The following MRTFB variants were observed in gnomAD, a reference collection of about 807,000 sequenced individuals.
The protein encoded by MRTFB is myocardin-related transcription factor B.
Under a neutral mutation model 104.2 loss-of-function variants are expected in MRTFB, and 29 were observed. That is an observed-to-expected ratio of 0.28 (90% CI 0.21 to 0.38). The LOEUF (loss-of-function observed/expected upper bound fraction) is 0.38, where lower values mean the gene tolerates loss of function less well. Ranked by LOEUF, MRTFB falls within the 10% of genes least tolerant of loss-of-function variation. MRTFB has a pLI of 1.00. For missense variants in MRTFB, 1,270 were observed against 1,341.6 expected (o/e 0.95, Z 0.83); for synonymous variants, 535 against 519.5 (o/e 1.03, Z -0.41).
At chr16:14,070,500 G>A (rs2033620005), upstream of MRTFB, among the ~76,000 whole-genome samples, 1 of 152,184 alleles carries the variant, frequency 6.6e-6, no homozygotes, top group Non-Finnish European at 1.5e-5. Flanking sequence ...CCAGTCTAAG[G>A]AGGAGACAGA....
chr16:14,219,024 TAAAG>T (rs1316157481), intron 8 of MRTFB, 26 bp downstream of exon 8: 1 of 1,549,696 alleles, frequency 6.5e-7, no homozygotes, highest in Non-Finnish European at 8.7e-7. Context: ...TTTTGACCCC[TAAAG>T]AAAGAAAATG....
At chr16:14,166,739 C>A (rs980520352) in intron 3 of MRTFB, among the ~76,000 whole-genome samples, 1 of 151,986 alleles carries the variant, frequency 6.6e-6, no homozygotes, top group Non-Finnish European at 1.5e-5. Flanking sequence ...CAGCTCCCAC[C>A]TATAAGTGAA....
intron 6 of MRTFB, chr16:14,214,886 G>C (rs1440962050): frequency 6.6e-6 from 1 of 152,210 alleles, no homozygotes; most frequent in East Asian, 1.9e-4. Context: ...CAGGAGGTGA[G>C]AGGTATGTCC....
intron 16 of MRTFB, 68 bp downstream of exon 16, chr16:14,258,229 C>T: frequency 1.6e-6 from 2 of 1,248,064 alleles, no homozygotes; most frequent in Non-Finnish European, 2.3e-6. Flanking sequence ...GAAAGTTTTT[C>T]TTAAGCACTC....
chr16:14,248,893 T>G (rs776304444), intron 12 of MRTFB, 33 bp from the exon 13 acceptor site: 1 of 1,607,206 alleles, frequency 6.2e-7, no homozygotes, highest in South Asian at 1.1e-5. Flanking sequence ...ATTCTGACAA[T>G]TAAATTGATG....
intron 2 of MRTFB, among the ~76,000 whole-genome samples, chr16:14,135,467 C>A (rs2037662675): frequency 6.6e-6 from 1 of 152,196 alleles, no homozygotes. Flanking sequence ...GTTTTTGTAG[C>A]CTACTAGCCA....
intron 2 of MRTFB, among the ~76,000 whole-genome samples, chr16:14,086,975 A>G (rs1412002463): frequency 3.9e-5 from 6 of 152,186 alleles, no homozygotes. Flanking sequence ...TGGCAGGGGA[A>G]GTAGTCGTTT....
chr16:14,065,320 CTG>C, the MRTFB span, among the ~76,000 whole-genome samples: 1 of 152,282 alleles, frequency 6.6e-6, no homozygotes, highest in South Asian at 2.1e-4. Flanking sequence ...TATCCAGAAA[CTG>C]TGCTGGAGCT....
rs1159044702 is a variant in MRTFB at position 14,213,552 on chromosome 16, A to G, written c.284A>G (p.Asn95Ser). 1 of 1,597,918 alleles carries G rather than the reference A, an allele frequency of 6.3e-7. No homozygotes were observed. The highest frequency in any genetic ancestry group is 1.8e-5 in the Admixed American group (1 of 56,818). ...IKSLERARTENFLKHKIRSRP... is the reference protein window; with the variant it reads ...IKSLERARTESFLKHKIRSRP... Reference sequence around the variant, plus strand: ...CTTTTTTTCTTTTTAAAGACTGAAAACTTTTTGAAACACAAGATTCGGAGT... The same window carrying G: ...CTTTTTTTCTTTTTAAAGACTGAAAGCTTTTTGAAACACAAGATTCGGAGT... Residue 95 changes from asparagine (N) to serine (S), a missense_variant, in exon 6 of 17, where the codon AAC becomes AGC. This residue lies in a region of MRTFB where 64 missense variants were observed against 152.9 expected (regional missense o/e 0.42). Transcript: ENST00000571589.
chr16:14,111,266 A>C (rs1398370201), intron 2 of MRTFB, among the ~76,000 whole-genome samples: 1 of 152,218 alleles, frequency 6.6e-6, no homozygotes, highest in African/African-American at 2.4e-5. Flanking sequence ...GGGAGGCAGC[A>C]GGGAAAGACA....
At chr16:14,259,640 C>T (rs1410572826) in intron 16 of MRTFB, among the ~76,000 whole-genome samples, 1 of 151,964 alleles carries the variant, frequency 6.6e-6, no homozygotes, top group Non-Finnish European at 1.5e-5. Flanking sequence ...ATCCAGCCAC[C>T]CAGGAGGCTG....
chr16:14,111,384 C>T (rs1333891973), intron 2 of MRTFB, among the ~76,000 whole-genome samples: 1 of 150,770 alleles, frequency 6.6e-6, no homozygotes, highest in Non-Finnish European at 1.5e-5. Flanking sequence ...CCAAGCTCAT[C>T]TGCTCAGTGA....
chr16:14,193,673 C>G (rs2040300222), intron 3 of MRTFB: 1 of 152,326 alleles, frequency 6.6e-6, no homozygotes, highest in African/African-American at 2.4e-5. Flanking sequence ...ATCTGCTACT[C>G]ACTTGGTAAA....
At chr16:14,134,673 A>T (rs1208927090) in intron 2 of MRTFB, among the ~76,000 whole-genome samples, 1 of 152,072 alleles carries the variant, frequency 6.6e-6, no homozygotes, top group Non-Finnish European at 1.5e-5. Context: ...GGACAAATGG[A>T]TTTTTTTCAC....
chr16:14,230,397 A>G (rs2042204371), intron 8 of MRTFB, among the ~76,000 whole-genome samples: 1 of 152,242 alleles, frequency 6.6e-6, no homozygotes, highest in Non-Finnish European at 1.5e-5. Flanking sequence ...ACAAAGGGCT[A>G]ATACCCAGAA....
intron 3 of MRTFB, among the ~76,000 whole-genome samples, chr16:14,201,887 A>G (rs564613069): frequency 2.4e-4 from 36 of 152,312 alleles, no homozygotes; most frequent in African/African-American, 7.0e-4. Context: ...AAAGCAATCT[A>G]TGTAACTGTA....
chr16:14,249,016 A>G lies in MRTFB; in HGVS notation c.2338A>G (p.Thr780Ala), dbSNP rs371223784. 3.2e-5 allele frequency: 52 copies of G among 1,614,034 alleles called. No individual in the cohort carries two copies. The highest frequency in any genetic ancestry group is 3.8e-5 in the Non-Finnish European group (45 of 1,180,038). ...TGCCTTGGCCTCAGGCTTGGCCCCA[A>G]CTGTACCTCAGACACAAGACACGTT... ...TAALASGLAP[T>A]VPQTQDTFPQ... Residue 780 changes from threonine (T) to alanine (A), a missense_variant, in exon 13 of 17, where the codon ACT becomes GCT. Thr to Ala is a moderately conservative substitution (Grantham distance 58). Around this residue, in one of 3 missense-constraint regions of MRTFB, gnomAD observed 1,144 missense variants for 1,131.5 expected, o/e 1.01. Transcript: ENST00000571589.
chr16:14,230,303 GC>G (rs1241175082), intron 8 of MRTFB, among the ~76,000 whole-genome samples: 1 of 152,152 alleles, frequency 6.6e-6, no homozygotes, highest in Non-Finnish European at 1.5e-5. Flanking sequence ...AAACTAAAGA[GC>G]TTCTGCACAG....
At position 14,258,257 on chromosome 16, in the gene MRTFB, A is replaced by G. The variant is rs898365286; in HGVS notation, c.2764+96A>G. The G allele has an allele frequency of 8.8e-6, 8 of 907,338 alleles. No homozygotes were observed. The African/African-American group carries it at 1.2e-4, about 13-fold the overall frequency. The allele number at this position is 907,338 out of a possible 1,614,324, so 56.2% of individuals were successfully genotyped here. On this transcript the variant is annotated intron_variant, in intron 16 of 16. Coordinates refer to ENST00000571589, the MANE Select transcript of MRTFB (RefSeq NM_001308142.2). Reference sequence around the variant, plus strand: ...AAGCACTCATAGCTTATCTTTAGATACTGAGAAACGTGTTCTTCTAACTGA... The same window carrying G: ...AAGCACTCATAGCTTATCTTTAGATGCTGAGAAACGTGTTCTTCTAACTGA...
Sources: allele counts gnomAD v4.1 joint callset (sites outside exome capture counted in the v4.1 genomes callset), GRCh38; gene constraint gnomAD v4.1.1; regional missense constraint gnomAD v4.1.1; transcripts MANE v1.5; gene names NCBI Gene and HGNC (gene_info 2026-07-23, HGNC 2026-07-21).